PIK3C2G: variants seen among roughly 807,000 people sequenced by gnomAD.
The protein encoded by PIK3C2G is phosphatidylinositol-4-phosphate 3-kinase catalytic subunit type 2 gamma.
In PIK3C2G, 168 loss-of-function variants were observed where a neutral mutation model predicts 181.1. The ratio of observed to expected loss-of-function variants is 0.93; its 90% CI spans 0.82 to 1.05. PIK3C2G has a LOEUF of 1.05. PIK3C2G is among the 50% of genes least tolerant of loss of function. The pLI, the probability that PIK3C2G is intolerant of heterozygous loss-of-function variation, is 0.00. For synonymous variants in PIK3C2G, 573 were observed against 592.2 expected, an observed-to-expected ratio of 0.97 and a Z score of 0.47; for missense variants, 1,869 against 1,732.8, an observed-to-expected ratio of 1.08 and a Z score of -1.40.
intron 24 of PIK3C2G, among the ~76,000 whole-genome samples, chr12:18,509,093 C>T (rs547325323): frequency 3.8e-4 from 57 of 151,852 alleles, no homozygotes; most frequent in Admixed American, 1.6e-3. Context: ...GCTCTGTCAC[C>T]GAGGCTGGAG....
chr12:18,432,294 T>A (rs1592244812), intron 18 of PIK3C2G, among the ~76,000 whole-genome samples: 1 of 152,176 alleles, frequency 6.6e-6, no homozygotes, highest in Non-Finnish European at 1.5e-5. Context: ...CAAAATCTTC[T>A]ATTTTGTTAA....
rs185175035 is a variant in PIK3C2G at position 18,529,102 on chromosome 12, C to T, written c.3324-9054C>T. On this transcript the variant is annotated intron_variant, in intron 24 of 32. Coordinates refer to ENST00000538779, the MANE Select transcript of PIK3C2G (RefSeq NM_001288772.2). ...TTCTCGATAATCCCAACACAGCCTA[C>T]GCTTTTTCCAGCATTGGGATAGATG... Among the ~76,000 whole-genome samples, 168 of 142,438 alleles carry T rather than the reference C, an allele frequency of 1.2e-3. 1 individual carries two copies. The highest frequency in any genetic ancestry group is 4.3e-3 in the African/African-American group (145 of 33,900). The allele number at this position is 142,438 out of a possible 152,430, so 93.4% of individuals were successfully genotyped here.
At chr12:18,455,201 C>A (rs1209247029) in intron 18 of PIK3C2G, among the ~76,000 whole-genome samples, 1 of 152,134 alleles carries the variant, frequency 6.6e-6, no homozygotes, top group East Asian at 1.9e-4. Flanking sequence ...TCAGCTTTGT[C>A]ATAATCTATT....
chr12:18,360,143 T>A (rs976464365), intron 11 of PIK3C2G, among the ~76,000 whole-genome samples: 1 of 152,050 alleles, frequency 6.6e-6, no homozygotes, highest in African/African-American at 2.4e-5. Context: ...TTTTTTTTCT[T>A]GTTTTTTGTG....
intron 18 of PIK3C2G, among the ~76,000 whole-genome samples, chr12:18,441,837 G>A (rs1946761885): frequency 6.6e-6 from 1 of 152,100 alleles, no homozygotes; most frequent in Admixed American, 6.6e-5. Context: ...AGTGCATCCT[G>A]GAGTCTCAAG....
chr12:18,331,921 C>T (rs1938015331), intron 8 of PIK3C2G, among the ~76,000 whole-genome samples: 1 of 152,010 alleles, frequency 6.6e-6, no homozygotes, highest in South Asian at 2.1e-4. Context: ...TGTACAAATG[C>T]ACGTATGGTT....
the PIK3C2G span, chr12:18,696,091 A>G: frequency 1.0e-6 from 1 of 966,392 alleles, no homozygotes; most frequent in Non-Finnish European, 1.6e-6. Flanking sequence ...TCATACATTC[A>G]TAAAATGAAT....
intron 17 of PIK3C2G, among the ~76,000 whole-genome samples, chr12:18,422,453 G>A (rs899322743): frequency 6.6e-6 from 1 of 151,940 alleles, no homozygotes; most frequent in South Asian, 2.1e-4. Context: ...ATGCTATTTT[G>A]TTACGTATTA....
At chr12:18,322,848 T>C (rs1172816209) in intron 7 of PIK3C2G, among the ~76,000 whole-genome samples, 1 of 152,222 alleles carries the variant, frequency 6.6e-6, no homozygotes, top group Non-Finnish European at 1.5e-5. Flanking sequence ...ATGATTCCAC[T>C]ATAGATTTCT....
the PIK3C2G span, chr12:18,692,785 G>A: frequency 7.0e-7 from 1 of 1,422,042 alleles, no homozygotes; most frequent in Non-Finnish European, 9.9e-7. Flanking sequence ...CAGAGTGGTG[G>A]TCATGGTCCT....
intron 5 of PIK3C2G, among the ~76,000 whole-genome samples, chr12:18,305,612 C>A (rs1220300233): frequency 7.4e-6 from 1 of 134,878 alleles, no homozygotes. Context: ...CTCCATTTTT[C>A]TTAAATAAAG....
chr12:18,324,960 A>G (rs1591957559), intron 7 of PIK3C2G, 75 bp from the exon 8 acceptor site: 1 of 720,464 alleles, frequency 1.4e-6, no homozygotes, highest in East Asian at 2.7e-5. Context: ...ACAATTTGTG[A>G]TAAATGTTTG....
intron 18 of PIK3C2G, among the ~76,000 whole-genome samples, chr12:18,462,859 A>G (rs1947994691): frequency 6.6e-6 from 1 of 151,956 alleles, no homozygotes; most frequent in African/African-American, 2.4e-5. Flanking sequence ...AATATAATCT[A>G]CTCTCTTTAT....
chr12:18,522,624 T>C lies in PIK3C2G; in HGVS notation c.3324-15532T>C, dbSNP rs1942991641. On this transcript the variant is annotated intron_variant, in intron 24 of 32. Transcript: ENST00000538779. Reference sequence around the variant, plus strand: ...GTTTAAAGTCATATTTGTAGTCCATTGAATGTGATATCTTCTTTATATGTT... The same window carrying C: ...GTTTAAAGTCATATTTGTAGTCCATCGAATGTGATATCTTCTTTATATGTT... 2.0e-5 allele frequency among the ~76,000 whole-genome samples: 3 copies of C among 152,098 alleles called. No homozygotes were observed. In the South Asian group the frequency reaches 6.2e-4, roughly 31 times the overall value.
chr12:18,664,167 G>A, the PIK3C2G span, among the ~76,000 whole-genome samples: 2 of 152,196 alleles, frequency 1.3e-5, no homozygotes, highest in Non-Finnish European at 2.9e-5. Context: ...CTTATGTACT[G>A]TTGGTAGGAA....
At chr12:18,280,928 TAGA>T in intron 1 of PIK3C2G, among the ~76,000 whole-genome samples, 1 of 152,042 alleles carries the variant, frequency 6.6e-6, no homozygotes, top group Middle Eastern at 3.4e-3. Flanking sequence ...TTATTGGATA[TAGA>T]AGAAGAAAGA....
intron 22 of PIK3C2G, among the ~76,000 whole-genome samples, chr12:18,501,093 C>G (rs1323049089): frequency 6.6e-6 from 1 of 152,138 alleles, no homozygotes. Context: ...AGACGCGCCA[C>G]CTTAAGAGCT....
chr12:18,706,243 TA>T, the PIK3C2G span, among the ~76,000 whole-genome samples: 4,287 of 120,516 alleles, frequency 0.036, 109 homozygotes, highest in African/African-American at 0.086. Flanking sequence ...AAAATAAAAA[TA>T]AAAAAAAAAA....
Position 18,572,243 on chromosome 12 carries a change from A to G in PIK3C2G, c.4011+5186A>G, listed in dbSNP as rs184109743. Among the ~76,000 whole-genome samples, 894 of 149,270 alleles carry G rather than the reference A, an allele frequency of 6.0e-3. 4 individuals are homozygous for G. The highest frequency in any genetic ancestry group is 0.021 in the African/African-American group (849 of 41,030). ...AACTTTTTTTAGTCTTTTATTCTTC[A>G]GGGATATTTTTGCTGACAATACTAT... On this transcript the variant is annotated intron_variant, in intron 29 of 32. Coordinates refer to ENST00000538779, the MANE Select transcript of PIK3C2G (RefSeq NM_001288772.2).
Sources: allele counts gnomAD v4.1 joint callset (sites outside exome capture counted in the v4.1 genomes callset), GRCh38; gene constraint gnomAD v4.1.1; transcripts MANE v1.5; gene names NCBI Gene and HGNC (gene_info 2026-07-23, HGNC 2026-07-21).